Variants in MTM1 observed in about 807,000 individuals in gnomAD.
MTM1 encodes myotubularin.
In MTM1, 9 loss-of-function variants were observed where a neutral mutation model predicts 52.1. The ratio of observed to expected loss-of-function variants is 0.17; its 90% CI spans 0.10 to 0.30. The LOEUF (loss-of-function observed/expected upper bound fraction) is 0.30. Among genes scored for constraint, MTM1 ranks in the 10% least tolerant of loss-of-function variants. MTM1 has a pLI of 1.00. For missense variants in MTM1, 277 were observed against 470.7 expected, an observed-to-expected ratio of 0.59 and a Z score of 3.81; for synonymous variants, 136 against 163.8, an observed-to-expected ratio of 0.83 and a Z score of 1.29.
At chrX:150,588,494 C>T (rs1158563586) in intron 1 of MTM1, among the ~76,000 whole-genome samples, 3 of 111,753 alleles carry the variant, frequency 2.7e-5, no homozygotes, top group African/African-American at 9.8e-5. Flanking sequence ...AAATGGCATG[C>T]ATTTTTTAAT....
Sources: gnomAD v4.1 joint callset for allele counts (sites outside exome capture counted in the v4.1 genomes callset) on GRCh38, gnomAD v4.1.1 for gene constraint, MANE v1.5 for transcripts, NCBI Gene and HGNC (gene_info 2026-07-23, HGNC 2026-07-21) for gene names.